Variants in MAGI3 observed in about 807,000 individuals in gnomAD.
MAGI3 encodes the protein membrane-associated guanylate kinase, WW and PDZ domain-containing protein 3.
A neutral mutation model predicts 121.8 loss-of-function variants in MAGI3; 43 were observed. The observed-to-expected ratio is 0.35, with a 90% CI of 0.28 to 0.46. MAGI3 has a LOEUF of 0.46. Among genes scored for constraint, MAGI3 ranks in the 20% least tolerant of loss-of-function variants. The pLI is 1.00. For missense variants in MAGI3, 1,547 were observed against 1,797.3 expected (o/e 0.86, Z 2.52); for synonymous variants, 553 against 639.3 (o/e 0.86, Z 2.04).
Position 113,685,658 on chromosome 1 carries a change from C to CAATT in MAGI3, c.*1646_*1649dup, listed in dbSNP as rs1263244635. ...TATTTATTATTTTCCCTGTAGTCCA[C>CAATT]AATTAGTGATAACGAATCCTATTTT... On this transcript the variant is annotated 3_prime_UTR_variant, in exon 21 of 21. Transcript: ENST00000307546. The CAATT allele has an allele frequency of 1.3e-5, 2 of 152,314 alleles. No homozygotes were observed. Among genetic ancestry groups the CAATT allele is most frequent in the East Asian group, 3.7e-4 (2 of 5,338 alleles). The allele number at this position is 152,314 out of a possible 1,614,324, so 9.4% of individuals were successfully genotyped here.
At chr1:113,482,368 T>G (rs1186957702) in intron 1 of MAGI3, among the ~76,000 whole-genome samples, 1 of 152,166 alleles carries the variant, frequency 6.6e-6, no homozygotes. Flanking sequence ...AGCCTATTTT[T>G]TTTTTCATTG....
intron 10 of MAGI3, 26 bp downstream of exon 10, chr1:113,642,542 AG>A: frequency 6.3e-7 from 1 of 1,585,380 alleles, no homozygotes; most frequent in Non-Finnish European, 8.6e-7. Flanking sequence ...ACATAGAAAA[AG>A]TTTCAGTGTT....
At chr1:113,457,798 C>G (rs562857392) in intron 1 of MAGI3, among the ~76,000 whole-genome samples, 1 of 152,026 alleles carries the variant, frequency 6.6e-6, no homozygotes, top group African/African-American at 2.4e-5. Context: ...ATGGCAAGAG[C>G]TTTTTAGATG....
At chr1:113,580,031 T>G (rs754830918) in intron 2 of MAGI3, among the ~76,000 whole-genome samples, 5 of 152,160 alleles carry the variant, frequency 3.3e-5, no homozygotes, top group Non-Finnish European at 5.9e-5. Flanking sequence ...GATTGTACTT[T>G]AGCATTTAGT....
At chr1:113,460,488 C>T (rs1654975060) in intron 1 of MAGI3, among the ~76,000 whole-genome samples, 1 of 152,144 alleles carries the variant, frequency 6.6e-6, no homozygotes, top group South Asian at 2.1e-4. Context: ...TCTCTGTTTG[C>T]AGATGACATG....
At chr1:113,488,051 A>T (rs961449256) in intron 1 of MAGI3, among the ~76,000 whole-genome samples, 1 of 152,168 alleles carries the variant, frequency 6.6e-6, no homozygotes, top group African/African-American at 2.4e-5. Flanking sequence ...TTTTATCCTG[A>T]CAATTTAATA....
At chr1:113,432,823 A>G (rs1653373450) in intron 1 of MAGI3, among the ~76,000 whole-genome samples, 1 of 152,138 alleles carries the variant, frequency 6.6e-6, no homozygotes. Context: ...TAGAATTTCT[A>G]CCATATCAAT....
intron 1 of MAGI3, among the ~76,000 whole-genome samples, chr1:113,448,192 CTG>C (rs1007838414): frequency 6.6e-6 from 1 of 152,162 alleles, no homozygotes; most frequent in Non-Finnish European, 1.5e-5. Flanking sequence ...AAAGTCATAT[CTG>C]GGCTTTTTGG....
chr1:113,625,206 A>G (rs939484300), intron 9 of MAGI3, among the ~76,000 whole-genome samples: 2 of 152,052 alleles, frequency 1.3e-5, no homozygotes, highest in East Asian at 3.8e-4. Flanking sequence ...TAAATTTCAG[A>G]ATTGTTTTTT....
intron 1 of MAGI3, among the ~76,000 whole-genome samples, chr1:113,445,000 C>A (rs923459254): frequency 1.3e-5 from 2 of 151,984 alleles, no homozygotes; most frequent in Admixed American, 1.3e-4. Flanking sequence ...TTTGAGCAGG[C>A]AGAAGAATGA....
At chr1:113,450,186 T>C in intron 1 of MAGI3, 2 of 1,553,162 alleles carry the variant, frequency 1.3e-6, no homozygotes, top group Non-Finnish European at 1.8e-6. Flanking sequence ...AAATTGTTGT[T>C]CAGAAATACC....
chr1:113,589,980 G>A (rs1648595364), intron 4 of MAGI3, among the ~76,000 whole-genome samples: 1 of 152,082 alleles, frequency 6.6e-6, no homozygotes, highest in South Asian at 2.1e-4. Context: ...GCAGGTGAGA[G>A]CATGGACCAC....
intron 1 of MAGI3, chr1:113,449,587 A>T (rs556562224): frequency 1.6e-6 from 1 of 624,084 alleles, no homozygotes; most frequent in African/African-American, 1.8e-5. Context: ...CTGCAAGTGC[A>T]TTTTTTTTTC....
rs1650836006 is a variant in MAGI3 at position 113,391,794 on chromosome 1, G to C, written c.316+445G>C. ...GCACTTGGTGCCAAGGTTACCACCT[G>C]GTGTACCTGGAAGGGCTTAGCTGCT... On this transcript the variant is annotated intron_variant, in intron 1 of 20. Coordinates refer to ENST00000307546, the MANE Select transcript of MAGI3 (RefSeq NM_001142782.2). The surrounding 1 kb of genome is among the most constrained non-coding windows in gnomAD (Gnocchi z 4.4). 6.6e-6 allele frequency among the ~76,000 whole-genome samples: 1 copy of C among 152,218 alleles called. No individual in the cohort carries two copies. Among genetic ancestry groups the C allele is most frequent in the African/African-American group, 2.4e-5 (1 of 41,462 alleles).
At chr1:113,456,422 T>A (rs1361451803) in intron 1 of MAGI3, among the ~76,000 whole-genome samples, 1 of 152,170 alleles carries the variant, frequency 6.6e-6, no homozygotes, top group South Asian at 2.1e-4. Context: ...CCCATATACA[T>A]ATAGAAAGCT....
intron 1 of MAGI3, among the ~76,000 whole-genome samples, chr1:113,495,476 T>G (rs1656876255): frequency 6.6e-6 from 1 of 152,084 alleles, no homozygotes. Flanking sequence ...CAGTGTACAC[T>G]GTACTCAGTG....
chr1:113,532,742 G>A (rs1658785797), intron 1 of MAGI3, among the ~76,000 whole-genome samples: 1 of 152,100 alleles, frequency 6.6e-6, no homozygotes, highest in Non-Finnish European at 1.5e-5. Flanking sequence ...AGGTACTTGT[G>A]AATTATTTAT....
At chr1:113,575,224 G>A (rs370266798) in intron 2 of MAGI3, among the ~76,000 whole-genome samples, 1 of 152,068 alleles carries the variant, frequency 6.6e-6, no homozygotes, top group Non-Finnish European at 1.5e-5. Flanking sequence ...CCAGTTTTGT[G>A]CCCTTGTCAG....
chr1:113,661,090 CATA>C (rs1653766569), intron 16 of MAGI3, among the ~76,000 whole-genome samples: 2 of 152,148 alleles, frequency 1.3e-5, no homozygotes, highest in Non-Finnish European at 2.9e-5. Context: ...AAAAAAACTA[CATA>C]ATATTTCTAA....
Sources: allele counts gnomAD v4.1 joint callset (sites outside exome capture counted in the v4.1 genomes callset), GRCh38; gene constraint gnomAD v4.1.1; non-coding constraint Gnocchi (gnomAD v3.1); transcripts MANE v1.5; gene names NCBI Gene and HGNC (gene_info 2026-07-23, HGNC 2026-07-21).